Variants in CCSER1 observed in about 807,000 individuals in gnomAD.
CCSER1 encodes the protein serine-rich coiled-coil domain-containing protein 1.
A neutral mutation model predicts 82.0 loss-of-function variants in CCSER1; 41 were observed. That is an observed-to-expected ratio of 0.50 (90% CI 0.39 to 0.65). The LOEUF (loss-of-function observed/expected upper bound fraction) is 0.65, where lower values mean the gene tolerates loss of function less well. Ranked by LOEUF, CCSER1 falls within the 30% of genes least tolerant of loss-of-function variation. The probability of loss-of-function intolerance (pLI) is 0.00; values close to 1 mark genes in which losing one functional copy is unlikely to be tolerated. For synonymous variants in CCSER1, 414 were observed against 383.9 expected (o/e 1.08, Z -0.92); for missense variants, 1,119 against 1,064.2 (o/e 1.05, Z -0.72).
chr4:90,269,344 T>A (rs900826430), intron 1 of CCSER1, among the ~76,000 whole-genome samples: 48 of 152,036 alleles, frequency 3.2e-4, no homozygotes, highest in African/African-American at 1.1e-3. Flanking sequence ...TCTTCTTTGA[T>A]CATGATTGAA....
intron 10 of CCSER1, among the ~76,000 whole-genome samples, chr4:91,448,151 T>C (rs922978925): frequency 6.6e-6 from 1 of 152,146 alleles, no homozygotes; most frequent in Non-Finnish European, 1.5e-5. Context: ...CATTTTGTAT[T>C]AATGCTCTAC....
Position 90,652,572 on chromosome 4 carries a change from C to T in CCSER1, c.1932+24340C>T, listed in dbSNP as rs534517802. Among the ~76,000 whole-genome samples, 28 of 152,068 alleles carry T rather than the reference C, an allele frequency of 1.8e-4. No homozygotes were observed. In the South Asian group the frequency reaches 5.2e-3, roughly 28 times the overall value. On this transcript the variant is annotated intron_variant, in intron 6 of 10. Transcript: ENST00000509176. ...CTTTCCCAAAGGAAAAGATCTAGAC[C>T]CAATAAGGAGAACAATATTCTTTTT... is the stretch of plus-strand genomic sequence containing the variant.
intron 1 of CCSER1, among the ~76,000 whole-genome samples, chr4:90,190,941 T>A (rs1735502055): frequency 6.6e-6 from 1 of 151,890 alleles, no homozygotes; most frequent in South Asian, 2.1e-4. Context: ...TTATATGTAA[T>A]AGCTAACACA....
chr4:90,161,165 A>G (rs916337555), intron 1 of CCSER1, among the ~76,000 whole-genome samples: 1 of 152,264 alleles, frequency 6.6e-6, no homozygotes. Context: ...TTTCTCTTAT[A>G]TGTTTGCTCA....
At chr4:90,249,342 A>T (rs1459738897) in intron 1 of CCSER1, among the ~76,000 whole-genome samples, 1 of 152,184 alleles carries the variant, frequency 6.6e-6, no homozygotes, top group South Asian at 2.1e-4. Context: ...TTTTATCAGG[A>T]TGTAATTTAC....
At chr4:90,173,049 T>G (rs1392031385) in intron 1 of CCSER1, among the ~76,000 whole-genome samples, 2 of 151,806 alleles carry the variant, frequency 1.3e-5, no homozygotes, top group Non-Finnish European at 2.9e-5. Context: ...TTTCAGTTTT[T>G]TCATGCTGAA....
intron 3 of CCSER1, among the ~76,000 whole-genome samples, chr4:90,324,440 A>T (rs1194241174): frequency 6.8e-6 from 1 of 145,992 alleles, no homozygotes; most frequent in Non-Finnish European, 1.5e-5. Flanking sequence ...GCATTTTTTC[A>T]TGTGTTTTTT....
intron 8 of CCSER1, among the ~76,000 whole-genome samples, chr4:90,834,027 G>T (rs971483394): frequency 6.6e-6 from 1 of 152,044 alleles, no homozygotes; most frequent in Non-Finnish European, 1.5e-5. Context: ...CTCCAAGACC[G>T]TGAGCTACAT....
At chr4:90,732,056 T>TCTCTCTCTCTCTCTCTCC (rs761678318) in intron 7 of CCSER1, among the ~76,000 whole-genome samples, 1 of 144,710 alleles carries the variant, frequency 6.9e-6, no homozygotes, top group Non-Finnish European at 1.5e-5. Flanking sequence ...TCTCTCTCTC[T>TCTCTCTCTCTCTCTCTCC]CTCTCACTGC....
rs367939121 is a variant in CCSER1 at position 91,496,564 on chromosome 4, G to GTATATATATA, written c.2218-101995_2218-101986dup. Among the ~76,000 whole-genome samples the GTATATATATA allele has an allele frequency of 1.6e-3, 28 of 17,638 alleles. 2 individuals carry two copies. Among genetic ancestry groups the GTATATATATA allele is most frequent in the East Asian group, 4.3e-3 (1 of 230 alleles). 11.6% of individuals were successfully genotyped at this position (17,638 alleles called of 152,430 possible). ...GAGTGGTATAGTTGGCATAAATCTT[G>GTATATATATA]TATATATATATATATATATATACAC... On this transcript the variant is annotated intron_variant, in intron 10 of 10. Transcript: ENST00000509176.
chr4:90,896,048 A>G (rs983028192), intron 8 of CCSER1, among the ~76,000 whole-genome samples: 2 of 151,962 alleles, frequency 1.3e-5, no homozygotes, highest in Admixed American at 1.3e-4. Context: ...ACACTGGTAG[A>G]TAAAACAGAG....
At chr4:90,128,729 A>C (rs1316677374) in intron 1 of CCSER1, among the ~76,000 whole-genome samples, 3 of 152,098 alleles carry the variant, frequency 2.0e-5, no homozygotes, top group Non-Finnish European at 4.4e-5. Flanking sequence ...TTGCTGATGT[A>C]AAGGAGGAGG....
rs1748020955 is a variant in CCSER1 at position 91,345,884 on chromosome 4, A to G, written c.2218-252688A>G. ...ACTCCTGGCAACCACTGATCTTTTT[A>G]CTGTGTCCATAGTTGGCCTTTTCTA... On this transcript the variant is annotated intron_variant, in intron 10 of 10. Transcript: ENST00000509176. 2.0e-5 allele frequency among the ~76,000 whole-genome samples: 3 copies of G among 152,064 alleles called. No homozygotes were observed. The South Asian group carries it at 6.2e-4, about 32-fold the overall frequency.
At chr4:91,377,629 T>C (rs1432242360) in intron 10 of CCSER1, among the ~76,000 whole-genome samples, 1 of 152,104 alleles carries the variant, frequency 6.6e-6, no homozygotes, top group East Asian at 1.9e-4. Context: ...GTTTGAGTTC[T>C]TTGGAGATTC....
Position 90,544,720 on chromosome 4 carries a change from TA to T in CCSER1, c.1724+76367del, listed in dbSNP as rs562516403. Among the ~76,000 whole-genome samples the T allele has an allele frequency of 1.4e-4, 22 of 152,186 alleles. No homozygotes were observed. The East Asian group carries it at 4.3e-3, about 29-fold the overall frequency. On this transcript the variant is annotated intron_variant, in intron 5 of 10. Transcript: ENST00000509176. ...CATTTTCTACCCTAATTCCTATTGT[TA>T]GAGTATCTGGTATGATCCAAGTCCC...
intron 10 of CCSER1, among the ~76,000 whole-genome samples, chr4:91,298,378 G>C (rs1448172194): frequency 2.0e-5 from 3 of 151,998 alleles, no homozygotes; most frequent in African/African-American, 7.2e-5. Flanking sequence ...CCACATAGCA[G>C]AATATGATGC....
intron 5 of CCSER1, among the ~76,000 whole-genome samples, chr4:90,627,625 C>T (rs148060133): frequency 2.0e-4 from 30 of 151,936 alleles, no homozygotes; most frequent in African/African-American, 5.8e-4. Context: ...TGAATCTTAC[C>T]ACTAAATGTA....
chr4:90,734,294 T>G (rs1020406062), intron 7 of CCSER1, among the ~76,000 whole-genome samples: 2 of 151,728 alleles, frequency 1.3e-5, no homozygotes, highest in African/African-American at 4.8e-5. Flanking sequence ...CCCGGCTAAT[T>G]TTTTGTATTT....
At chr4:90,605,635 G>A (rs1169752150) in intron 5 of CCSER1, among the ~76,000 whole-genome samples, 1 of 152,148 alleles carries the variant, frequency 6.6e-6, no homozygotes, top group Non-Finnish European at 1.5e-5. Context: ...CTAATGCAGA[G>A]GAGACAGGAA....
Sources: allele counts gnomAD v4.1 joint callset (sites outside exome capture counted in the v4.1 genomes callset), GRCh38; gene constraint gnomAD v4.1.1; transcripts MANE v1.5; gene names NCBI Gene and HGNC (gene_info 2026-07-23, HGNC 2026-07-21).